MLLT3: variants seen among roughly 807,000 people sequenced by gnomAD.
The protein encoded by MLLT3 is protein AF-9.
MLLT3 carries 4 observed loss-of-function variants against 53.2 expected under a neutral mutation model. The ratio of observed to expected loss-of-function variants is 0.08; its 90% CI spans 0.04 to 0.17. MLLT3 has a LOEUF of 0.17. Among genes scored for constraint, MLLT3 ranks in the 10% least tolerant of loss-of-function variants. MLLT3 has a pLI of 1.00. For synonymous variants in MLLT3, 283 were observed against 230.6 expected, an observed-to-expected ratio of 1.23 and a Z score of -2.06; for missense variants, 569 against 684.0, an observed-to-expected ratio of 0.83 and a Z score of 1.87.
intron 2 of MLLT3, among the ~76,000 whole-genome samples, chr9:20,606,838 T>C (rs1820583272): frequency 1.3e-5 from 2 of 152,188 alleles, no homozygotes; most frequent in South Asian, 4.1e-4. Flanking sequence ...CAGCCCACAA[T>C]GTCAAGTAGT....
Position 20,575,945 on chromosome 9 carries a change from A to G in MLLT3, c.193+44709T>C, listed in dbSNP as rs56727211. Reference sequence around the variant, plus strand: ...GTCAAGCACTGACTTCTCTCTAGCTATGAAAGTCCTAGATAACATCTTTTT... The same window carrying G: ...GTCAAGCACTGACTTCTCTCTAGCTGTGAAAGTCCTAGATAACATCTTTTT... On this transcript the variant is annotated intron_variant, in intron 2 of 10. Transcript: ENST00000380338. Among the ~76,000 whole-genome samples the G allele has an allele frequency of 6.7e-3, 1,025 of 152,320 alleles. 17 individuals carry two copies. The highest frequency in any genetic ancestry group is 0.024 in the African/African-American group (994 of 41,564).
At chr9:20,617,424 G>C (rs1035300163) in intron 2 of MLLT3, among the ~76,000 whole-genome samples, 2 of 152,080 alleles carry the variant, frequency 1.3e-5, no homozygotes, top group Non-Finnish European at 1.5e-5. Flanking sequence ...CCTACCAGTG[G>C]CCAAATTAGC....
chr9:20,372,872 A>G (rs1347822930), intron 5 of MLLT3, among the ~76,000 whole-genome samples: 1 of 152,164 alleles, frequency 6.6e-6, no homozygotes, highest in Non-Finnish European at 1.5e-5. Context: ...GTATATTTTA[A>G]TAAGGTAATA....
intron 8 of MLLT3, among the ~76,000 whole-genome samples, chr9:20,358,353 C>A (rs1025520726): frequency 6.6e-6 from 1 of 152,138 alleles, no homozygotes; most frequent in Non-Finnish European, 1.5e-5. Flanking sequence ...TCTTACCATG[C>A]TTACAAGTGC....
intron 2 of MLLT3, among the ~76,000 whole-genome samples, chr9:20,598,900 C>T (rs558236453): frequency 4.6e-5 from 7 of 152,264 alleles, no homozygotes; most frequent in Non-Finnish European, 1.0e-4. Context: ...CTGCTTTAGG[C>T]TTCTGATTAG....
chr9:20,395,944 T>C (rs1359253873), intron 5 of MLLT3, among the ~76,000 whole-genome samples: 1 of 152,184 alleles, frequency 6.6e-6, no homozygotes. Context: ...ATTTTCTGAA[T>C]GCAGGATCCT....
At chr9:20,394,078 G>A (rs1426624092) in intron 5 of MLLT3, among the ~76,000 whole-genome samples, 1 of 152,002 alleles carries the variant, frequency 6.6e-6, no homozygotes, top group Non-Finnish European at 1.5e-5. Context: ...TTCCATATGA[G>A]GAAAATGACT....
chr9:20,403,520 T>C lies in MLLT3; in HGVS notation c.1125+10201A>G, dbSNP rs768572090. Among the ~76,000 whole-genome samples the C allele has an allele frequency of 7.9e-5, 12 of 152,286 alleles. No individual in the cohort carries two copies. The Middle Eastern group carries it at 0.01, about 129-fold the overall frequency. ...AACACAGAGGACTATGCATGACTTA[T>C]CTTTAAAGGGGAGGAAGTGACTTGT... On this transcript the variant is annotated intron_variant, in intron 5 of 10. Coordinates refer to ENST00000380338, the MANE Select transcript of MLLT3 (RefSeq NM_004529.4).
intron 2 of MLLT3, among the ~76,000 whole-genome samples, chr9:20,547,644 C>CAAAAAAA (rs71334534): frequency 2.4e-5 from 3 of 122,822 alleles, no homozygotes; most frequent in Non-Finnish European, 3.5e-5. Context: ...AACTCCATCT[C>CAAAAAAA]AAAAAAAAAA....
chr9:20,402,462 A>G (rs1187320647), intron 5 of MLLT3, among the ~76,000 whole-genome samples: 2 of 152,222 alleles, frequency 1.3e-5, no homozygotes, highest in Admixed American at 6.5e-5. Context: ...TCCAGGACAG[A>G]GTCAGATACT....
intron 5 of MLLT3, among the ~76,000 whole-genome samples, chr9:20,368,059 T>C (rs1262311733): frequency 6.6e-6 from 1 of 152,222 alleles, no homozygotes. Context: ...GCAGGCGGCC[T>C]ACCAACCCTT....
At chr9:20,592,299 GTGGGTTTAAACAACCCAAA>G (rs778700285) in intron 2 of MLLT3, among the ~76,000 whole-genome samples, 1 of 152,176 alleles carries the variant, frequency 6.6e-6, no homozygotes, top group Non-Finnish European at 1.5e-5. Flanking sequence ...CTATAACAAA[GTGGGTTTAAACAACCCAAA>G]TGGGGTGGCT....
intron 2 of MLLT3, among the ~76,000 whole-genome samples, chr9:20,590,668 T>G (rs1364868484): frequency 6.6e-6 from 1 of 152,176 alleles, no homozygotes; most frequent in Non-Finnish European, 1.5e-5. Context: ...AAACCTCTTT[T>G]CTTTATAAAT....
chr9:20,416,886 C>G (rs1212969994), intron 4 of MLLT3, among the ~76,000 whole-genome samples: 2 of 152,084 alleles, frequency 1.3e-5, no homozygotes, highest in African/African-American at 2.4e-5. Context: ...GGGCCCATGA[C>G]CAATGTCAAA....
At chr9:20,567,324 A>C (rs1013321489) in intron 2 of MLLT3, among the ~76,000 whole-genome samples, 5 of 151,110 alleles carry the variant, frequency 3.3e-5, no homozygotes, top group Non-Finnish European at 5.9e-5. Context: ...AAAAAAAAAA[A>C]AAAACACAAA....
Position 20,483,013 on chromosome 9 carries a change from A to C in MLLT3, c.194-26227T>G, listed in dbSNP as rs1282494915. Among the ~76,000 whole-genome samples the C allele has an allele frequency of 2.0e-5, 3 of 152,168 alleles. No individual in the cohort carries two copies. The East Asian group carries it at 5.8e-4, about 29-fold the overall frequency. ...GATTGTACAGTACTACTTACATGCT[A>C]AGAACTGAACTGACAAATGACAAGT... On this transcript the variant is annotated intron_variant, in intron 2 of 10. Transcript: ENST00000380338.
chr9:20,358,025 G>T (rs1462439434), intron 8 of MLLT3, among the ~76,000 whole-genome samples: 1 of 132,018 alleles, frequency 7.6e-6, no homozygotes, highest in African/African-American at 3.7e-5. Context: ...ATTCAAATAC[G>T]ACTAAAAAGT....
Position 20,360,725 on chromosome 9 carries a change from C to T in MLLT3, c.1431+17G>A. The T allele has an allele frequency of 6.2e-7, 1 of 1,603,356 alleles. No individual in the cohort carries two copies. The highest frequency in any genetic ancestry group is 8.5e-7 in the Non-Finnish European group (1 of 1,170,244). ...TAGCTCTGCAGAGTCTTGCAAAGTG[C>T]AAACCCCACAATTTACCTGGTTGTT... On this transcript the variant is annotated intron_variant, in intron 8 of 10. Coordinates refer to ENST00000380338, the MANE Select transcript of MLLT3 (RefSeq NM_004529.4).
intron 2 of MLLT3, among the ~76,000 whole-genome samples, chr9:20,501,531 C>G (rs564399856): frequency 1.3e-5 from 2 of 151,592 alleles, no homozygotes; most frequent in South Asian, 4.2e-4. Flanking sequence ...GCGGGTGGAT[C>G]ATGAGGTCAG....
Sources: allele counts gnomAD v4.1 joint callset (sites outside exome capture counted in the v4.1 genomes callset), GRCh38; gene constraint gnomAD v4.1.1; transcripts MANE v1.5; gene names NCBI Gene and HGNC (gene_info 2026-07-23, HGNC 2026-07-21).